Variants in CACNA1A observed in about 807,000 individuals in gnomAD.
CACNA1A encodes the protein voltage-dependent P/Q-type calcium channel subunit alpha-1A.
A neutral mutation model predicts 262.4 loss-of-function variants in CACNA1A; 57 were observed. The observed-to-expected ratio is 0.22, with a 90% CI of 0.18 to 0.27. The LOEUF (loss-of-function observed/expected upper bound fraction) is 0.27. Ranked by LOEUF, CACNA1A falls within the 10% of genes least tolerant of loss-of-function variation. The pLI is 1.00. For synonymous variants in CACNA1A, 1,431 were observed against 1,419.3 expected, an observed-to-expected ratio of 1.01 and a Z score of -0.18; for missense variants, 2,526 against 3,562.8, an observed-to-expected ratio of 0.71 and a Z score of 7.41.
intron 29 of CACNA1A, among the ~76,000 whole-genome samples, chr19:13,253,823 T>C (rs1477637397): frequency 4.6e-5 from 7 of 151,980 alleles, no homozygotes. Context: ...CACTGCAACT[T>C]CCGCCCCCTG....
chr19:13,210,720 G>A, intron 43 of CACNA1A, 68 bp from the exon 44 acceptor site: 1 of 1,471,684 alleles, frequency 6.8e-7, no homozygotes, highest in East Asian at 2.5e-5. Flanking sequence ...TAAAAGGCAA[G>A]AGGGAGAGTG....
At chr19:13,297,723 G>A (rs557401751) in intron 19 of CACNA1A, among the ~76,000 whole-genome samples, 2 of 152,224 alleles carry the variant, frequency 1.3e-5, no homozygotes, top group African/African-American at 2.4e-5. Context: ...AGGCTGAGGC[G>A]GATGGCTTGA....
rs774629539 is a variant in CACNA1A, at chr19:13,308,158, G to T, written c.1875C>A (p.Val625=). 1 of 1,613,948 alleles carries T rather than the reference G, an allele frequency of 6.2e-7. No individual in the cohort carries two copies. Among genetic ancestry groups the T allele is most frequent in the Non-Finnish European group, 8.5e-7 (1 of 1,179,876 alleles). Residue 625 remains valine, a synonymous_variant, in exon 14 of 47, where the codon GTC becomes GTA. Transcript: ENST00000360228. The surrounding 1 kb of genome is among the most constrained non-coding windows in gnomAD (Gnocchi z 4.2). ...GTTGCATTCCCAAAAGGGCGAAGAC[G>T]ACAATGAACAGGAAAAGGAGAAACA... ...SLLFLLFLFI[V]VFALLGMQLF...
chr19:13,234,541 A>G (rs1334492886), intron 34 of CACNA1A, among the ~76,000 whole-genome samples: 1 of 151,962 alleles, frequency 6.6e-6, no homozygotes, highest in Non-Finnish European at 1.5e-5. Context: ...ATTCAGAGAT[A>G]ATGCCTGGAA....
intron 36 of CACNA1A, chr19:13,229,033 T>A: frequency 3.7e-6 from 1 of 270,290 alleles, no homozygotes; most frequent in Non-Finnish European, 7.0e-6. Context: ...TGCATCTGCC[T>A]CCTCCACAGT....
chr19:13,424,184 A>G (rs1257941748), intron 3 of CACNA1A, among the ~76,000 whole-genome samples: 1 of 152,126 alleles, frequency 6.6e-6, no homozygotes, highest in Non-Finnish European at 1.5e-5. Context: ...CCCCATCTCT[A>G]CTAAAAATAC....
At chr19:13,492,477 T>A (rs932972465) in intron 1 of CACNA1A, among the ~76,000 whole-genome samples, 3 of 152,128 alleles carry the variant, frequency 2.0e-5, no homozygotes, top group Non-Finnish European at 2.9e-5. Context: ...TTCCTGTTTC[T>A]TGCAACCTGG....
chr19:13,462,543 T>A (rs1383227821), intron 1 of CACNA1A, among the ~76,000 whole-genome samples: 1 of 152,250 alleles, frequency 6.6e-6, no homozygotes, highest in Non-Finnish European at 1.5e-5. Flanking sequence ...ACAGCTGCCT[T>A]GTTTCCAACT....
intron 5 of CACNA1A, chr19:13,362,654 T>C (rs1035938164): frequency 6.6e-6 from 1 of 152,228 alleles, no homozygotes; most frequent in Non-Finnish European, 1.5e-5. Flanking sequence ...CTTTCAGGCA[T>C]ACAATAGCTA....
intron 37 of CACNA1A, chr19:13,225,310 C>T (rs990433890): frequency 3.9e-5 from 6 of 155,664 alleles, no homozygotes; most frequent in East Asian, 1.9e-4. Flanking sequence ...CCCCCACTGA[C>T]GGGGCAGGCC....
intron 3 of CACNA1A, among the ~76,000 whole-genome samples, chr19:13,391,001 C>G (rs913088104): frequency 4.6e-5 from 7 of 152,270 alleles, no homozygotes; most frequent in African/African-American, 1.7e-4. Context: ...ATTCCCCTGC[C>G]TAAGCCTCCC....
chr19:13,352,358 C>T (rs1374989395), intron 6 of CACNA1A, among the ~76,000 whole-genome samples: 2 of 149,060 alleles, frequency 1.3e-5, no homozygotes, highest in East Asian at 2.0e-4. Context: ...GAGCCAAGAT[C>T]GCACCACTGC....
intron 3 of CACNA1A, among the ~76,000 whole-genome samples, chr19:13,419,822 A>C (rs548894611): frequency 1.3e-5 from 2 of 152,232 alleles, no homozygotes; most frequent in Non-Finnish European, 2.9e-5. Context: ...ATGGTGGCTC[A>C]TGCCTGTAAT....
At chr19:13,250,623 C>T (rs1458830788) in intron 30 of CACNA1A, among the ~76,000 whole-genome samples, 1 of 152,000 alleles carries the variant, frequency 6.6e-6, no homozygotes, top group Non-Finnish European at 1.5e-5. Flanking sequence ...GTCTGGATCT[C>T]TTGACCTCAT....
intron 3 of CACNA1A, among the ~76,000 whole-genome samples, chr19:13,445,673 A>G (rs2060797288): frequency 6.6e-6 from 1 of 152,230 alleles, no homozygotes; most frequent in Non-Finnish European, 1.5e-5. Context: ...TTTGAGAATG[A>G]CAGTAAAAGA....
At chr19:13,342,627 G>A (rs2145172260) in intron 6 of CACNA1A, among the ~76,000 whole-genome samples, 1 of 152,286 alleles carries the variant, frequency 6.6e-6, no homozygotes, top group African/African-American at 2.4e-5. Context: ...GCTAAGTGCT[G>A]GCCAATGAGG....
chr19:13,207,069 T>A lies in CACNA1A; in HGVS notation c.*244A>T. ...CCTGCCTCCCACCCGAGAGCCCCTG[T>A]CGTGGGTGGGGGGATCGGGGCTGGT... On this transcript the variant is annotated 3_prime_UTR_variant, in exon 47 of 47. Coordinates refer to ENST00000360228, the MANE Select transcript of CACNA1A (RefSeq NM_001127222.2). This position sits in a 1 kb window ranked among gnomAD's most constrained non-coding sequence, Gnocchi z 5.7. 3.5e-6 allele frequency: 1 copy of A among 289,598 alleles called. No homozygotes were observed. The highest frequency in any genetic ancestry group is 6.5e-6 in the Non-Finnish European group (1 of 154,920). The allele number at this position is 289,598 out of a possible 1,614,324, so 17.9% of individuals were successfully genotyped here.
chr19:13,442,661 G>A (rs2060745457), intron 3 of CACNA1A, among the ~76,000 whole-genome samples: 1 of 152,216 alleles, frequency 6.6e-6, no homozygotes, highest in Admixed American at 6.5e-5. Context: ...AGAAAACTGA[G>A]GTTCAGTGAG....
chr19:13,237,399 G>A (rs2055912264), intron 31 of CACNA1A, among the ~76,000 whole-genome samples: 1 of 152,154 alleles, frequency 6.6e-6, no homozygotes, highest in South Asian at 2.1e-4. Flanking sequence ...ATGGCACAGG[G>A]TGACCATACA....
Sources: allele counts gnomAD v4.1 joint callset (sites outside exome capture counted in the v4.1 genomes callset), GRCh38; gene constraint gnomAD v4.1.1; non-coding constraint Gnocchi (gnomAD v3.1); transcripts MANE v1.5; gene names NCBI Gene and HGNC (gene_info 2026-07-23, HGNC 2026-07-21).